Variants in ACACA observed in about 807,000 individuals in gnomAD.
The protein encoded by ACACA is acetyl-CoA carboxylase alpha.
In ACACA, 103 loss-of-function variants were observed where a neutral mutation model predicts 296.1. The ratio of observed to expected loss-of-function variants is 0.35; its 90% confidence interval spans 0.30 to 0.41. The LOEUF (loss-of-function observed/expected upper bound fraction) is 0.41, where lower values mean the gene tolerates loss of function less well. Ranked by LOEUF, ACACA falls within the 10% of genes least tolerant of loss-of-function variation. The pLI, the probability that ACACA is intolerant of heterozygous loss-of-function variation, is 1.00. For synonymous variants in ACACA, 953 were observed against 1,038.6 expected (o/e 0.92, Z 1.58); for missense variants, 1,554 against 2,989.7 (o/e 0.52, Z 11.20).
intron 42 of ACACA, among the ~76,000 whole-genome samples, chr17:37,159,388 A>G (rs1282457709): frequency 1.3e-5 from 2 of 151,896 alleles, no homozygotes; most frequent in African/African-American, 4.8e-5. Flanking sequence ...TGACCAGCTA[A>G]TTTTTTATAT....
intron 42 of ACACA, among the ~76,000 whole-genome samples, chr17:37,159,179 T>G (rs1411448261): frequency 6.8e-6 from 1 of 146,972 alleles, no homozygotes; most frequent in Non-Finnish European, 1.5e-5. Flanking sequence ...CCCTGTCTCT[T>G]AAAAAAAAAA....
intron 41 of ACACA, among the ~76,000 whole-genome samples, chr17:37,165,255 T>C (rs1332255438): frequency 1.3e-5 from 2 of 152,058 alleles, no homozygotes; most frequent in Non-Finnish European, 2.9e-5. Flanking sequence ...GAAAGCACTA[T>C]TATTCAATTT....
chr17:37,213,040 G>A (rs964957819), intron 29 of ACACA, among the ~76,000 whole-genome samples: 3 of 151,782 alleles, frequency 2.0e-5, no homozygotes, highest in Non-Finnish European at 4.4e-5. Flanking sequence ...AAATTAGGCC[G>A]GGCGCAGTGG....
intron 29 of ACACA, among the ~76,000 whole-genome samples, chr17:37,221,061 AAGAT>A (rs1284937169): frequency 6.6e-6 from 1 of 152,232 alleles, no homozygotes; most frequent in African/African-American, 2.4e-5. Flanking sequence ...TACTTTTTAA[AAGAT>A]AGTCTATAAG....
chr17:37,266,174 G>A (rs1407329578), intron 10 of ACACA, among the ~76,000 whole-genome samples: 5 of 152,144 alleles, frequency 3.3e-5, no homozygotes, highest in Admixed American at 3.3e-4. Flanking sequence ...AGCACTTTGG[G>A]AGGCCAAGGT....
At chr17:37,152,016 C>T (rs1471407253) in intron 43 of ACACA, among the ~76,000 whole-genome samples, 2 of 151,410 alleles carry the variant, frequency 1.3e-5, no homozygotes, top group South Asian at 2.1e-4. Context: ...AGGATGGTCT[C>T]GATCTCTTGA....
intron 1 of ACACA, chr17:37,376,046 A>G (rs1374631669): frequency 3.9e-6 from 6 of 1,529,838 alleles, no homozygotes; most frequent in South Asian, 1.1e-5. Flanking sequence ...AAGGGCTGTG[A>G]CAGATGAGCA....
chr17:37,168,727 ATCATT>A (rs1473257939), intron 41 of ACACA, among the ~76,000 whole-genome samples: 5 of 152,188 alleles, frequency 3.3e-5, no homozygotes, highest in Non-Finnish European at 7.4e-5. Flanking sequence ...TTGTTGGGTT[ATCATT>A]TCATTTTCTA....
chr17:37,285,076 T>A, intron 3 of ACACA, 106 bp from the exon 4 acceptor site: 1 of 1,284,864 alleles, frequency 7.8e-7, no homozygotes, highest in Non-Finnish European at 1.1e-6. Flanking sequence ...CTGTGAAGAC[T>A]GCATGCTGGC....
intron 3 of ACACA, among the ~76,000 whole-genome samples, chr17:37,295,077 G>A (rs1482153201): frequency 6.6e-6 from 1 of 152,184 alleles, no homozygotes; most frequent in Admixed American, 6.5e-5. Flanking sequence ...GTAGAGTAGG[G>A]GAAGGGAAGA....
In ACACA at chr17:37,330,320, T is replaced by C. The variant is rs1173329483; in HGVS notation, c.191A>G (p.Asp64Gly). 3 of 1,614,108 alleles carry C rather than the reference T, an allele frequency of 1.9e-6. No individual in the cohort carries two copies. The highest frequency in any genetic ancestry group is 1.1e-5 in the South Asian group (1 of 91,088). Reference sequence around the variant, plus strand: ...GTTGCTGATCTCATCCTCTGAGTTATCTTCAGACACAGAACCTATTATGAA... The same window carrying C: ...GTTGCTGATCTCATCCTCTGAGTTACCTTCAGACACAGAACCTATTATGAA... Reference protein sequence around the residue: ...SRFIIGSVSEDNSEDEISNLV... With the variant: ...SRFIIGSVSEGNSEDEISNLV... Residue 64 changes from aspartate (D) to glycine (G), a missense_variant, in exon 3 of 56, where the codon GAT (aspartate) becomes GGT (glycine). This residue lies in a region of ACACA where 140 missense variants were observed against 147.7 expected (regional missense o/e 0.95). Transcript: ENST00000616317.
chr17:37,113,580 C>T lies in ACACA; in HGVS notation c.6275-315G>A, dbSNP rs1402358101. Among the ~76,000 whole-genome samples the T allele has an allele frequency of 6.6e-6, 1 of 152,200 alleles. No individual in the cohort carries two copies. The highest frequency in any genetic ancestry group is 1.5e-5 in the Non-Finnish European group (1 of 68,040). On this transcript the variant is annotated intron_variant, in intron 50 of 55. Coordinates refer to ENST00000616317, the MANE Select transcript of ACACA (RefSeq NM_198834.3). The surrounding 1 kb of genome is among the most constrained non-coding windows in gnomAD (Gnocchi z 4.0). The stretch of plus-strand genomic sequence containing the variant: ...GTTTCACCACATTAATTCACATTTG[C>T]TCTACAAACGTTGAGTATTTTTCAT...
At chr17:37,395,373 T>C (rs1415241863) in intron 1 of ACACA, among the ~76,000 whole-genome samples, 1 of 149,246 alleles carries the variant, frequency 6.7e-6, no homozygotes, top group Admixed American at 6.7e-5. Context: ...GAGGTTGCGG[T>C]GAGCTGAGAT....
At chr17:37,380,332 G>A (rs895689221) in intron 1 of ACACA, among the ~76,000 whole-genome samples, 3 of 150,862 alleles carry the variant, frequency 2.0e-5, no homozygotes, top group East Asian at 2.0e-4. Context: ...GCTAGATGAC[G>A]AGTTAGTGGG....
At chr17:37,276,945 T>C in intron 7 of ACACA, 88 bp downstream of exon 7, 2 of 1,152,694 alleles carry the variant, frequency 1.7e-6, no homozygotes, top group Non-Finnish European at 2.6e-6. Flanking sequence ...CCAGCACATG[T>C]TAAACAGAAA....
At chr17:37,239,362 T>G (rs1337999400) in intron 24 of ACACA, among the ~76,000 whole-genome samples, 2 of 152,318 alleles carry the variant, frequency 1.3e-5, no homozygotes, top group East Asian at 3.9e-4. Context: ...CCTTTAATTC[T>G]TTTCCTTGTC....
intron 1 of ACACA, among the ~76,000 whole-genome samples, chr17:37,396,019 G>T (rs2147830907): frequency 6.6e-6 from 1 of 152,254 alleles, no homozygotes; most frequent in African/African-American, 2.4e-5. Flanking sequence ...TGTATTAAAA[G>T]CATTACTTTG....
chr17:37,398,241 A>C (rs1354217998), intron 1 of ACACA, among the ~76,000 whole-genome samples: 7 of 140,244 alleles, frequency 5.0e-5, no homozygotes, highest in Admixed American at 3.1e-4. Flanking sequence ...AAAAAAAAAA[A>C]AAAACAGTTT....
chr17:37,191,067 A>ACTT, intron 38 of ACACA, 53 bp downstream of exon 38: 10 of 1,597,362 alleles, frequency 6.3e-6, no homozygotes, highest in Non-Finnish European at 8.6e-6. Context: ...ATATGAATGA[A>ACTT]CTTCTGTGCT....
Sources: allele counts gnomAD v4.1 joint callset (sites outside exome capture counted in the v4.1 genomes callset), GRCh38; gene constraint gnomAD v4.1.1; regional missense constraint gnomAD v4.1.1; non-coding constraint Gnocchi (gnomAD v3.1); transcripts MANE v1.5; gene names NCBI Gene and HGNC (gene_info 2026-07-23, HGNC 2026-07-21).